The following PARP14 variants were observed in gnomAD, a reference collection of about 807,000 sequenced individuals.
PARP14 encodes protein mono-ADP-ribosyltransferase PARP14.
PARP14 carries 59 observed loss-of-function variants against 154.2 expected under a neutral mutation model. The ratio of observed to expected loss-of-function variants is 0.38; its 90% CI spans 0.31 to 0.48. The LOEUF (loss-of-function observed/expected upper bound fraction) is 0.48. PARP14 is among the 20% of genes least tolerant of loss of function. The probability of loss-of-function intolerance (pLI) is 0.98; values close to 1 mark genes in which losing one functional copy is unlikely to be tolerated. For missense variants in PARP14, 1,734 were observed against 2,131.6 expected (o/e 0.81, Z 3.67); for synonymous variants, 720 against 780.5 (o/e 0.92, Z 1.29).
At chr3:122,719,612 A>C (rs573810865) in intron 14 of PARP14, among the ~76,000 whole-genome samples, 2 of 152,344 alleles carry the variant, frequency 1.3e-5, no homozygotes, top group African/African-American at 2.4e-5. Context: ...CTTCCATTAC[A>C]CTATATTTAT....
At position 122,695,582 on chromosome 3, in the gene PARP14, A is replaced by G. The variant is rs745437772; in HGVS notation, c.755A>G (p.Tyr252Cys). 8 of 1,610,600 alleles carry G rather than the reference A, an allele frequency of 5.0e-6. No homozygotes were observed. Among genetic ancestry groups the G allele is most frequent in the South Asian group, 4.4e-5 (4 of 90,834 alleles). The change falls in exon 5 of 17, where the codon TAT becomes TGT. Residue 252 changes from tyrosine (Y) to cysteine (C), a missense_variant. Coordinates refer to ENST00000474629, the MANE Select transcript of PARP14 (RefSeq NM_017554.3). ...YSLKLFFENP[Y>C]NGGGRVANVE... ...TTAAAACTTTTCTTTGAAAATCCCT[A>G]TAATGGAGGGGGAAGAGTTGCCAAT...
chr3:122,714,279 G>A lies in PARP14; in HGVS notation c.3850G>A (p.Asp1284Asn). The change falls in exon 12 of 17, where the codon GAT (aspartate) becomes AAT (asparagine). Residue 1284 changes from aspartate (D) to asparagine (N), a missense_variant. By Grantham distance (23) the Asp-to-Asn change is conservative. Coordinates refer to ENST00000474629, the MANE Select transcript of PARP14 (RefSeq NM_017554.3). ...TTTCCCAGCTCAGCAGCGCAAAAAT[G>A]ATTATATAATCACCGGAGGTGGATT... Reference protein sequence around the residue: ...CSQQAQQRKNDYIITGGGFLR... With the variant: ...CSQQAQQRKNNYIITGGGFLR... The A allele has an allele frequency of 6.3e-7, 1 of 1,597,532 alleles. No homozygotes were observed. The highest frequency in any genetic ancestry group is 1.2e-5 in the South Asian group (1 of 86,914).
intron 2 of PARP14, among the ~76,000 whole-genome samples, chr3:122,685,670 C>G (rs1938351936): frequency 6.6e-6 from 1 of 151,970 alleles, no homozygotes; most frequent in Admixed American, 6.6e-5. Flanking sequence ...CCACTATGCC[C>G]AGATAATTTT....
At chr3:122,686,177 A>G (rs1938367244) in intron 2 of PARP14, among the ~76,000 whole-genome samples, 1 of 152,160 alleles carries the variant, frequency 6.6e-6, no homozygotes, top group Non-Finnish European at 1.5e-5. Context: ...TTTTAGAGGC[A>G]GGGTCTCACT....
chr3:122,698,820 T>C (rs903507569), intron 5 of PARP14, among the ~76,000 whole-genome samples: 1 of 152,186 alleles, frequency 6.6e-6, no homozygotes, highest in Non-Finnish European at 1.5e-5. Flanking sequence ...CTTTGAAGCC[T>C]AAAATTATAG....
intron 8 of PARP14, among the ~76,000 whole-genome samples, chr3:122,705,737 T>A (rs1230336786): frequency 6.6e-6 from 1 of 152,248 alleles, no homozygotes; most frequent in African/African-American, 2.4e-5. Flanking sequence ...ACCATCTGAA[T>A]TTTTAGGTAA....
Position 122,708,283 on chromosome 3 carries a change from C to G in PARP14, c.3619+15C>G. The G allele has an allele frequency of 7.0e-7, 1 of 1,436,020 alleles. No individual in the cohort carries two copies. The highest frequency in any genetic ancestry group is 9.6e-7 in the Non-Finnish European group (1 of 1,039,368). The allele number at this position is 1,436,020 out of a possible 1,614,324, so 89.0% of individuals were successfully genotyped here. On this transcript the variant is annotated intron_variant, in intron 9 of 16. Coordinates refer to ENST00000474629, the MANE Select transcript of PARP14 (RefSeq NM_017554.3). The stretch of plus-strand genomic sequence containing the variant: ...AGATACACAAGGTTCAGTAAAGCTT[C>G]TAAATTGAGAAGTGATTTCTAGTTG...
intron 5 of PARP14, among the ~76,000 whole-genome samples, chr3:122,697,236 G>A (rs1938808410): frequency 6.6e-6 from 1 of 152,212 alleles, no homozygotes; most frequent in South Asian, 2.1e-4. Flanking sequence ...TTATAGGCGT[G>A]AGTCACTGCA....
At chr3:122,725,929 CATTCTA>C (rs1161143542) in intron 15 of PARP14, among the ~76,000 whole-genome samples, 28 of 152,178 alleles carry the variant, frequency 1.8e-4, no homozygotes, top group African/African-American at 6.0e-4. Context: ...GTTAGTTATA[CATTCTA>C]ATTCTTTCAT....
intron 8 of PARP14, 117 bp downstream of exon 8, chr3:122,704,865 AG>A: frequency 3.1e-6 from 2 of 637,592 alleles, no homozygotes; most frequent in South Asian, 4.1e-5. Context: ...GAAAGTAAGA[AG>A]GTAGTTTATA....
In PARP14 at chr3:122,701,617, G is replaced by A. The variant is rs770827981; in HGVS notation, c.3063G>A (p.Glu1021=). The change falls in exon 6 of 17, where the codon GAG becomes GAA. Residue 1021 remains glutamate, a synonymous_variant. Coordinates refer to ENST00000474629, the MANE Select transcript of PARP14 (RefSeq NM_017554.3). The surrounding 1 kb of genome is among the most constrained non-coding windows in gnomAD (Gnocchi z 4.0). ...PGGLQMLLVK[E]GVQNAKTDVV... ...GCCTGCAGATGCTGTTGGTGAAAGAGGGTGTGCAGAATGCTAAGGTGAGTG... is the reference window on the plus strand; with the variant it reads ...GCCTGCAGATGCTGTTGGTGAAAGAAGGTGTGCAGAATGCTAAGGTGAGTG... The A allele has an allele frequency of 8.8e-6, 14 of 1,597,508 alleles. No homozygotes were observed. In the South Asian group the frequency reaches 1.5e-4, roughly 17 times the overall value.
Position 122,700,939 on chromosome 3 carries a change from G to C in PARP14, c.2385G>C (p.Arg795=). The C allele has an allele frequency of 6.2e-7, 1 of 1,613,900 alleles. No homozygotes were observed. The highest frequency in any genetic ancestry group is 2.2e-5 in the East Asian group (1 of 44,874). The part of the protein sequence containing the change: ...GSPAGQKCFS[R]TVLAPGVVLI... The stretch of plus-strand genomic sequence containing the variant: ...CCGCTGGGCAGAAGTGCTTCTCTCG[G>C]ACAGTCTTGGCCCCTGGCGTTGTGC... The change falls in exon 6 of 17, where the codon CGG becomes CGC. Residue 795 remains arginine (R), a synonymous_variant. Transcript: ENST00000474629.
intron 2 of PARP14, among the ~76,000 whole-genome samples, chr3:122,686,112 A>G (rs1468413199): frequency 6.6e-6 from 1 of 152,218 alleles, no homozygotes; most frequent in Non-Finnish European, 1.5e-5. Context: ...AGTTCTTGTT[A>G]TATATAATAA....
At chr3:122,717,253 G>A (rs760323220) in intron 12 of PARP14, among the ~76,000 whole-genome samples, 1 of 152,158 alleles carries the variant, frequency 6.6e-6, no homozygotes, top group Non-Finnish European at 1.5e-5. Context: ...ACATCAGCTT[G>A]GCCAAGGAAC....
chr3:122,683,607 G>A (rs1394345267), intron 1 of PARP14, among the ~76,000 whole-genome samples: 1 of 152,206 alleles, frequency 6.6e-6, no homozygotes, highest in African/African-American at 2.4e-5. Flanking sequence ...AAAATTAAAT[G>A]TTGATGATCT....
rs867303087 is a variant in PARP14, at chr3:122,701,586, C to T, written c.3032C>T (p.Pro1011Leu). 8.1e-6 allele frequency: 13 copies of T among 1,605,994 alleles called. No homozygotes were observed. Among genetic ancestry groups the T allele is most frequent in the Middle Eastern group, 1.6e-4 (1 of 6,074 alleles). ...TSWEKGSLVS[P>L]GGLQMLLVKE... ...TGGGAAAAAGGAAGCCTGGTGTCCC[C>T]GGGAGGCCTGCAGATGCTGTTGGTG... The change falls in exon 6 of 17, where the codon CCG becomes CTG. Residue 1011 changes from proline to leucine, a missense_variant. By Grantham distance (98) the Pro-to-Leu change is moderately conservative (BLOSUM62 -3). Coordinates refer to ENST00000474629, the MANE Select transcript of PARP14 (RefSeq NM_017554.3). The surrounding 1 kb of genome is among the most constrained non-coding windows in gnomAD (Gnocchi z 4.0).
chr3:122,692,169 A>G, intron 3 of PARP14, 132 bp from the exon 4 acceptor site: 1 of 590,744 alleles, frequency 1.7e-6, no homozygotes, highest in Non-Finnish European at 2.9e-6. Flanking sequence ...AAAGCCATCC[A>G]AGGTCTGTTA....
intron 5 of PARP14, among the ~76,000 whole-genome samples, chr3:122,696,549 A>T (rs914527469): frequency 6.6e-6 from 1 of 152,130 alleles, no homozygotes; most frequent in African/African-American, 2.4e-5. Context: ...TCTGTCACAT[A>T]TTCAAATCTC....
At position 122,700,842 on chromosome 3, in the gene PARP14, G is replaced by A. The variant is rs747954242; in HGVS notation, c.2288G>A (p.Ser763Asn). Residue 763 changes from serine (S) to asparagine (N), a missense_variant, in exon 6 of 17, where the codon AGT (serine) becomes AAT (asparagine). Physicochemically the swap from Ser to Asn is conservative, Grantham distance 46. Around this residue, in one of 2 missense-constraint regions of PARP14, gnomAD observed 1,646 missense variants for 1,976.0 expected, o/e 0.83. Coordinates refer to ENST00000474629, the MANE Select transcript of PARP14 (RefSeq NM_017554.3). ...CAGGATAAAGCACGGTTTTATCAAA[G>A]TGAGATCAAACGGTTGTTTGGTTGT... is the stretch of plus-strand genomic sequence containing the variant. ...FFQDKARFYQ[S>N]EIKRLFGCYI... The A allele has an allele frequency of 2.5e-6, 4 of 1,614,036 alleles. No individual in the cohort carries two copies. The Admixed American group carries it at 6.7e-5, about 27-fold the overall frequency.
Sources: allele counts gnomAD v4.1 joint callset (sites outside exome capture counted in the v4.1 genomes callset), GRCh38; gene constraint gnomAD v4.1.1; regional missense constraint gnomAD v4.1.1; non-coding constraint Gnocchi (gnomAD v3.1); transcripts MANE v1.5; gene names NCBI Gene and HGNC (gene_info 2026-07-23, HGNC 2026-07-21).